Variants in ACCSL observed in about 807,000 individuals in gnomAD.
The protein encoded by ACCSL is probable inactive 1-aminocyclopropane-1-carboxylate synthase-like protein 2.
Under a neutral mutation model 61.7 loss-of-function variants are expected in ACCSL, and 55 were observed. The observed-to-expected ratio is 0.89, with a 90% CI of 0.72 to 1.12. ACCSL has a LOEUF of 1.12. Among genes scored for constraint, ACCSL ranks in the 50% most tolerant of loss-of-function variants. The probability of loss-of-function intolerance (pLI) is 0.00; values close to 1 mark genes in which losing one functional copy is unlikely to be tolerated. For missense variants in ACCSL, 632 were observed against 698.0 expected (o/e 0.91, Z 1.07); for synonymous variants, 258 against 264.3 (o/e 0.98, Z 0.23).
the ACCSL span, among the ~76,000 whole-genome samples, chr11:43,967,280 T>C: frequency 7.0e-6 from 1 of 143,390 alleles, no homozygotes; most frequent in Middle Eastern, 3.7e-3. Flanking sequence ...CAGGTTCAAG[T>C]GATTCTCCTG....
the ACCSL span, among the ~76,000 whole-genome samples, chr11:43,947,924 G>A: frequency 6.6e-6 from 1 of 152,194 alleles, no homozygotes; most frequent in East Asian, 1.9e-4. Flanking sequence ...TGCCCAGCTG[G>A]CTGGATTTAT....
the ACCSL span, among the ~76,000 whole-genome samples, chr11:43,995,672 G>A: frequency 6.6e-6 from 1 of 152,280 alleles, no homozygotes; most frequent in East Asian, 1.9e-4. Context: ...CTGTACCCAA[G>A]TGGACAGTGG....
the ACCSL span, among the ~76,000 whole-genome samples, chr11:44,025,081 A>C: frequency 6.6e-6 from 1 of 152,076 alleles, no homozygotes; most frequent in Non-Finnish European, 1.5e-5. Flanking sequence ...TTTGATTCTA[A>C]AGTGTATTTC....
At chr11:43,952,070 T>C in the ACCSL span, among the ~76,000 whole-genome samples, 1 of 152,160 alleles carries the variant, frequency 6.6e-6, no homozygotes, top group Admixed American at 6.5e-5. Flanking sequence ...TTTTTTTTTT[T>C]TCTTTCCAAC....
upstream of ACCSL, chr11:44,047,850 C>A: frequency 1.4e-6 from 1 of 700,268 alleles, no homozygotes; most frequent in Non-Finnish European, 2.3e-6. Flanking sequence ...GAGTAGGTAA[C>A]TCTTCATGAA....
At chr11:43,976,065 T>C in the ACCSL span, among the ~76,000 whole-genome samples, 1 of 152,192 alleles carries the variant, frequency 6.6e-6, no homozygotes, top group African/African-American at 2.4e-5. Flanking sequence ...CTTGTCTCTG[T>C]AGTTTATCAG....
chr11:43,950,686 C>T, the ACCSL span, among the ~76,000 whole-genome samples: 1 of 152,222 alleles, frequency 6.6e-6, no homozygotes, highest in Non-Finnish European at 1.5e-5. Flanking sequence ...GATGATCAAG[C>T]CCACAAGCCC....
the ACCSL span, among the ~76,000 whole-genome samples, chr11:44,006,241 C>T: frequency 2.1e-3 from 325 of 152,258 alleles, no homozygotes; most frequent in African/African-American, 7.1e-3. Flanking sequence ...GCCTTGGAGT[C>T]TGGGTGATCT....
At chr11:44,051,744 C>CTCTCAG in intron 5 of ACCSL, 25 bp downstream of exon 5, 2 of 1,613,284 alleles carry the variant, frequency 1.2e-6, no homozygotes, top group Non-Finnish European at 1.7e-6. Context: ...TCTCCTTTCA[C>CTCTCAG]TCTCAGTGAA....
the ACCSL span, among the ~76,000 whole-genome samples, chr11:43,985,202 C>T: frequency 6.6e-6 from 1 of 152,234 alleles, no homozygotes; most frequent in African/African-American, 2.4e-5. Flanking sequence ...CTCCGCCCCC[C>T]TCCCAGTGTG....
chr11:43,949,769 C>A, the ACCSL span, among the ~76,000 whole-genome samples: 3 of 152,054 alleles, frequency 2.0e-5, no homozygotes, highest in African/African-American at 4.8e-5. Context: ...GAGCCAAGAT[C>A]GCACCACTGC....
the ACCSL span, among the ~76,000 whole-genome samples, chr11:44,040,851 C>T: frequency 2.6e-5 from 4 of 152,070 alleles, no homozygotes; most frequent in Non-Finnish European, 4.4e-5. Flanking sequence ...AGAGTATGTG[C>T]GCCCTTCCAG....
chr11:43,967,134 C>T, the ACCSL span, among the ~76,000 whole-genome samples: 1 of 141,776 alleles, frequency 7.1e-6, no homozygotes, highest in Non-Finnish European at 1.5e-5. Flanking sequence ...TCTTGTACTA[C>T]TTCCCTCAGT....
the ACCSL span, among the ~76,000 whole-genome samples, chr11:44,001,775 CTG>C: frequency 0.18 from 17,398 of 95,998 alleles, 1,553 homozygotes; most frequent in Middle Eastern, 0.23. Context: ...GGTAAAGGGG[CTG>C]TGTGTGTGTG....
the ACCSL span, among the ~76,000 whole-genome samples, chr11:43,947,783 C>T: frequency 6.7e-6 from 1 of 148,778 alleles, no homozygotes; most frequent in Non-Finnish European, 1.5e-5. Flanking sequence ...GAGAGACCCA[C>T]AGGGGTAGGA....
the ACCSL span, among the ~76,000 whole-genome samples, chr11:43,931,159 T>C: frequency 6.6e-6 from 1 of 152,238 alleles, no homozygotes; most frequent in Non-Finnish European, 1.5e-5. Context: ...ACTGAAGGCA[T>C]GGTCATGAGC....
At chr11:43,973,743 G>C in the ACCSL span, 1 of 152,172 alleles carries the variant, frequency 6.6e-6, no homozygotes, top group South Asian at 2.1e-4. Flanking sequence ...CTTAAAGAAT[G>C]ATGATTTGGG....
chr11:43,960,406 G>C, the ACCSL span, among the ~76,000 whole-genome samples: 16 of 151,834 alleles, frequency 1.1e-4, no homozygotes, highest in Non-Finnish European at 2.2e-4. Flanking sequence ...TTGTTTGTTT[G>C]GAGACAGAGT....
chr11:44,032,694 C>T, the ACCSL span, among the ~76,000 whole-genome samples: 28 of 152,200 alleles, frequency 1.8e-4, no homozygotes, highest in African/African-American at 5.5e-4. Flanking sequence ...AGAATTCCTA[C>T]GAAGAAGGGA....
Sources: allele counts gnomAD v4.1 joint callset (sites outside exome capture counted in the v4.1 genomes callset), GRCh38; gene constraint gnomAD v4.1.1; transcripts MANE v1.5; gene names NCBI Gene and HGNC (gene_info 2026-07-23, HGNC 2026-07-21).